KIN: variants seen among roughly 807,000 people sequenced by gnomAD.
KIN encodes Kin17 DNA and RNA binding protein.
In KIN, 47 loss-of-function variants were observed where a neutral mutation model predicts 63.0. The observed-to-expected ratio is 0.75, with a 90% CI of 0.59 to 0.95. KIN has a LOEUF of 0.95. KIN is among the 40% of genes least tolerant of loss of function. KIN has a pLI of 0.00. For synonymous variants in KIN, 160 were observed against 157.7 expected (o/e 1.01, Z -0.11); for missense variants, 408 against 460.9 (o/e 0.89, Z 1.05).
In KIN at chr10:7,754,346, CA is replaced by C. The variant is rs1375820084; in HGVS notation, c.*1733del. On this transcript the variant is annotated 3_prime_UTR_variant, in exon 13 of 13. Coordinates refer to ENST00000379562, the MANE Select transcript of KIN (RefSeq NM_012311.4). Reference sequence around the variant, plus strand: ...CAAGACCCTATCTCAAAAAACAGAACAAAAAAAAAGAGGCGTAGTGGCTCAT... The same window carrying C: ...CAAGACCCTATCTCAAAAAACAGAACAAAAAAAAGAGGCGTAGTGGCTCAT... The C allele has an allele frequency of 7.1e-4, 178 of 251,038 alleles. No individual in the cohort carries two copies. The highest frequency in any genetic ancestry group is 1.6e-3 in the South Asian group (41 of 25,408). 15.6% of individuals were successfully genotyped at this position (251,038 alleles called of 1,614,324 possible). A position where few individuals can be genotyped will look rare whatever the true frequency, so the allele number is the denominator to read the frequency against.
intron 4 of KIN, 83 bp downstream of exon 4, chr10:7,779,973 T>C (rs766848612): frequency 6.8e-7 from 1 of 1,469,702 alleles, no homozygotes; most frequent in Non-Finnish European, 9.3e-7. Flanking sequence ...CCCAATTTTT[T>C]TTCTCTTTTC....
intron 8 of KIN, among the ~76,000 whole-genome samples, chr10:7,767,769 G>C (rs112359729): frequency 0.025 from 3,675 of 149,628 alleles, 169 homozygotes; most frequent in African/African-American, 0.086. Context: ...TGAGGCAGGA[G>C]AATCACTTGA....
chr10:7,768,603 T>C (rs1835601358), intron 8 of KIN, among the ~76,000 whole-genome samples: 1 of 151,276 alleles, frequency 6.6e-6, no homozygotes, highest in Non-Finnish European at 1.5e-5. Flanking sequence ...GAAGTCAAAG[T>C]CAACAGGAGA....
Position 7,787,992 on chromosome 10 carries a change from C to G in KIN, c.-59G>C, listed in dbSNP as rs563909572. Reference sequence around the variant, plus strand: ...AGTACTCAGCCAGCCGGAAACGGAACCGGGCTGGCGGCGGTGGGCGGGACA... The same window carrying G: ...AGTACTCAGCCAGCCGGAAACGGAAGCGGGCTGGCGGCGGTGGGCGGGACA... On this transcript the variant is annotated 5_prime_UTR_variant, in exon 1 of 13. Coordinates refer to ENST00000379562, the MANE Select transcript of KIN (RefSeq NM_012311.4). 1.4e-6 allele frequency: 2 copies of G among 1,422,442 alleles called. No individual in the cohort carries two copies. Among genetic ancestry groups the G allele is most frequent in the South Asian group, 1.1e-5 (1 of 87,290 alleles). The allele number at this position is 1,422,442 out of a possible 1,614,324, so 88.1% of individuals were successfully genotyped here.
intron 7 of KIN, among the ~76,000 whole-genome samples, chr10:7,770,127 C>T (rs866906970): frequency 1.3e-5 from 2 of 152,188 alleles, no homozygotes; most frequent in African/African-American, 2.4e-5. Context: ...GATGGGGTTT[C>T]GCAATGTTGG....
At chr10:7,761,110 G>C (rs945849609) in intron 11 of KIN, 1 of 152,186 alleles carries the variant, frequency 6.6e-6, no homozygotes, top group African/African-American at 2.4e-5. Flanking sequence ...ATTAGAGAGG[G>C]AAATGAGAGG....
rs764611274 is a variant in KIN at position 7,756,038 on chromosome 10, G to A, written c.*42C>T. The A allele has an allele frequency of 1.2e-5, 15 of 1,205,758 alleles. No homozygotes were observed. The highest frequency in any genetic ancestry group is 1.7e-5 in the Non-Finnish European group (14 of 829,128). The allele number at this position is 1,205,758 out of a possible 1,614,324, so 74.7% of individuals were successfully genotyped here. On this transcript the variant is annotated 3_prime_UTR_variant, in exon 13 of 13. Transcript: ENST00000379562. ...ATAATGCCTTGGCGAACACCAATTT[G>A]ATGCTTTAAGATTTTAATGTATTGT...
Position 7,774,863 on chromosome 10 carries a change from A to G in KIN, c.636T>C (p.Cys212=). Residue 212 remains cysteine (C), a synonymous_variant, in exon 7 of 13, where the codon TGT becomes TGC. Coordinates refer to ENST00000379562, the MANE Select transcript of KIN (RefSeq NM_012311.4). ...KVTFNLSKGA[C]SSSGATSSKS... is the part of the protein sequence containing the mutation. ...TGGAAGATGTTGCTCCGGATGAGCT[A>G]CATGCTCCTTTACTCAAATTAAACG... 6.2e-7 allele frequency: 1 copy of G among 1,613,142 alleles called. No individual in the cohort carries two copies. Among genetic ancestry groups the G allele is most frequent in the South Asian group, 1.1e-5 (1 of 91,052 alleles).
In KIN at chr10:7,778,908, A is replaced by G. The variant is rs200315206; in HGVS notation, c.488T>C (p.Leu163Pro). 1 of 1,614,042 alleles carries G rather than the reference A, an allele frequency of 6.2e-7. No homozygotes were observed. The highest frequency in any genetic ancestry group is 2.2e-5 in the East Asian group (1 of 44,888). The change falls in exon 5 of 13, where the codon CTT (leucine) becomes CCT (proline). Residue 163 changes from leucine to proline, a missense_variant. By Grantham distance (98) the Leu-to-Pro change is moderately conservative. Coordinates refer to ENST00000379562, the MANE Select transcript of KIN (RefSeq NM_012311.4). ...TTTGGCAGTTTTTTCTTCATCATCA[A>G]GGTCCTGCTTTTTCTTTTTCTCCAG... ...LELEKKKKQDLDDEEKTAKFI... is the reference protein window; with the variant it reads ...LELEKKKKQDPDDEEKTAKFI...
chr10:7,759,681 T>C (rs1406038839), intron 12 of KIN: 3 of 318,970 alleles, frequency 9.4e-6, no homozygotes, highest in South Asian at 1.1e-4. Context: ...TGGGGTTTTA[T>C]GCATGAGTAC....
At chr10:7,775,122 T>C (rs976376402) in intron 6 of KIN, among the ~76,000 whole-genome samples, 2 of 152,194 alleles carry the variant, frequency 1.3e-5, no homozygotes, top group Non-Finnish European at 2.9e-5. Context: ...ACACCGGCGC[T>C]TCCCTGCTCT....
rs184496860 is a variant in KIN, at chr10:7,766,055, G to A, written c.847C>T (p.Pro283Ser). 13 of 1,607,582 alleles carry A rather than the reference G, an allele frequency of 8.1e-6. 1 individual carries two copies. In the East Asian group the frequency reaches 2.9e-4, roughly 36 times the overall value. Residue 283 changes from proline (P) to serine (S), a missense_variant and splice_region_variant, in exon 9 of 13, where the codon CCT becomes TCT. This residue lies in a region of KIN where 298 missense variants were observed against 296.0 expected (regional missense o/e 1.01). Coordinates refer to ENST00000379562, the MANE Select transcript of KIN (RefSeq NM_012311.4). ...AGAAACTCCAACTGAATACTTACAG[G>A]CTGTAGCCAGTAGTCTGTTCGGGCA... is the stretch of plus-strand genomic sequence containing the variant. The part of the protein sequence containing the change: ...RTARTDYWLQ[P>S]EIIVKIITKK...
At position 7,762,548 on chromosome 10, in the gene KIN, A is replaced by G. The variant is rs1222853064; in HGVS notation, c.927T>C (p.Ile309=). ...HKKKAIVKEV[I]DKYTAVVKMI... ...TCTTCACAACAGCTGTATATTTGTC[A>G]ATTACTTCCTGTCATGTAAAATGAA... Residue 309 remains isoleucine (I), a synonymous_variant, in exon 11 of 13, where the codon ATT becomes ATC. Coordinates refer to ENST00000379562, the MANE Select transcript of KIN (RefSeq NM_012311.4). The G allele has an allele frequency of 6.3e-7, 1 of 1,596,636 alleles. No homozygotes were observed. Among genetic ancestry groups the G allele is most frequent in the Non-Finnish European group, 8.6e-7 (1 of 1,166,246 alleles).
chr10:7,778,782 AT>A, intron 5 of KIN, 55 bp downstream of exon 5: 1 of 1,526,714 alleles, frequency 6.6e-7, no homozygotes, highest in Non-Finnish European at 8.9e-7. Context: ...AAACCAAGCC[AT>A]TGTGCTTCTT....
At chr10:7,777,077 A>AAAAAAAC (rs1835794581) in intron 5 of KIN, among the ~76,000 whole-genome samples, 1 of 141,194 alleles carries the variant, frequency 7.1e-6, no homozygotes. Flanking sequence ...AAAAAAAAAA[A>AAAAAAAC]TAGAACTTAC....
Position 7,763,734 on chromosome 10 carries a change from C to A in KIN, c.907G>T (p.Ala303Ser). 1 of 1,488,134 alleles carries A rather than the reference C, an allele frequency of 6.7e-7. No homozygotes were observed. Among genetic ancestry groups the A allele is most frequent in the Non-Finnish European group, 9.3e-7 (1 of 1,078,162 alleles). 92.2% of individuals were successfully genotyped at this position (1,488,134 alleles called of 1,614,324 possible). A position where few individuals can be genotyped will look rare whatever the true frequency, so the allele number is the denominator to read the frequency against. The change falls in exon 10 of 13, where the codon GCT (alanine) becomes TCT (serine). Residue 303 changes from alanine (A) to serine (S), a missense_variant. Physicochemically the swap from Ala to Ser is moderately conservative, Grantham distance 99. Transcript: ENST00000379562. ...KLGEKYHKKK[A>S]IVKEVIDKYT... ...TTGCACGTCCTTACCTTAACAATAG[C>A]CTTTTTCTTATGATATTTCTCTCCC...
At chr10:7,757,225 C>T (rs956135983) in intron 12 of KIN, among the ~76,000 whole-genome samples, 6 of 152,026 alleles carry the variant, frequency 3.9e-5, no homozygotes, top group African/African-American at 7.3e-5. Context: ...TTGGGTCGGG[C>T]GCAGTGCTCA....
rs773813197 is a variant in KIN, at chr10:7,775,792, G to C, written c.566C>G (p.Pro189Arg). Residue 189 changes from proline (P) to arginine (R), a missense_variant, in exon 6 of 13, where the codon CCT (proline) becomes CGT (arginine). Transcript: ENST00000379562. The part of the protein sequence containing the change: ...RGLEGKEQEV[P>R]TFTELSREND... ...TTCTCTGCTTAATTCCGTAAAAGTA[G>C]GGACCTCCTAAAAAAAAGAAAGTTT... 7.1e-6 allele frequency: 11 copies of C among 1,548,998 alleles called. No homozygotes were observed. Among genetic ancestry groups the C allele is most frequent in the Non-Finnish European group, 8.8e-6 (10 of 1,141,858 alleles).
rs984060665 is a variant in KIN at position 7,755,937 on chromosome 10, G to A, written c.*143C>T. ...ATTAAATTCTTCTCAAAGTTTAGCT[G>A]AACAACTATACAGTAATATTTTCAA... On this transcript the variant is annotated 3_prime_UTR_variant, in exon 13 of 13. Coordinates refer to ENST00000379562, the MANE Select transcript of KIN (RefSeq NM_012311.4). 23 of 287,194 alleles carry A rather than the reference G, an allele frequency of 8.0e-5. No homozygotes were observed. Among genetic ancestry groups the A allele is most frequent in the Admixed American group, 1.6e-4 (2 of 12,870 alleles). 17.8% of individuals were successfully genotyped at this position (287,194 alleles called of 1,614,324 possible).
Sources: allele counts gnomAD v4.1 joint callset (sites outside exome capture counted in the v4.1 genomes callset), GRCh38; gene constraint gnomAD v4.1.1; regional missense constraint gnomAD v4.1.1; transcripts MANE v1.5; gene names NCBI Gene and HGNC (gene_info 2026-07-23, HGNC 2026-07-21).